WDFY4: variants seen among roughly 807,000 people sequenced by gnomAD.
WDFY4 encodes the protein WD repeat- and FYVE domain-containing protein 4.
Under a neutral mutation model 351.9 loss-of-function variants are expected in WDFY4, and 169 were observed. The observed-to-expected ratio is 0.48, with a 90% CI of 0.42 to 0.55. The LOEUF is 0.55. WDFY4 is among the 20% of genes least tolerant of loss of function. The pLI, the probability that WDFY4 is intolerant of heterozygous loss-of-function variation, is 0.00. For missense variants in WDFY4, 3,803 were observed against 3,935.6 expected (o/e 0.97, Z 0.90); for synonymous variants, 1,622 against 1,574.6 (o/e 1.03, Z -0.71).
intron 53 of WDFY4, among the ~76,000 whole-genome samples, chr10:48,961,298 G>C (rs935807053): frequency 6.6e-6 from 1 of 152,218 alleles, no homozygotes; most frequent in Admixed American, 6.5e-5. Context: ...TCTGATAAAA[G>C]ACAGAGGTAC....
intron 1 of WDFY4, among the ~76,000 whole-genome samples, chr10:48,689,922 C>A (rs746052648): frequency 3.9e-5 from 6 of 152,202 alleles, no homozygotes; most frequent in African/African-American, 7.2e-5. Context: ...ATGTAAGGTT[C>A]TTTGCCCTTG....
At chr10:48,716,864 G>C (rs2063926650) in intron 2 of WDFY4, among the ~76,000 whole-genome samples, 1 of 152,206 alleles carries the variant, frequency 6.6e-6, no homozygotes, top group South Asian at 2.1e-4. Flanking sequence ...TCATTTCTAG[G>C]GAGGGAAATC....
chr10:48,762,678 G>T (rs184180979), intron 13 of WDFY4, among the ~76,000 whole-genome samples: 2 of 152,322 alleles, frequency 1.3e-5, no homozygotes, highest in Admixed American at 1.3e-4. Context: ...CATACCTGGG[G>T]CCTTGGTTGA....
chr10:48,814,162 C>T, intron 31 of WDFY4, 80 bp downstream of exon 31: 8 of 1,430,042 alleles, frequency 5.6e-6, no homozygotes, highest in Non-Finnish European at 6.5e-6. Flanking sequence ...TGACTTTTCT[C>T]TTAGCATCTT....
intron 4 of WDFY4, among the ~76,000 whole-genome samples, chr10:48,721,711 G>A (rs1157806734): frequency 6.6e-6 from 1 of 152,144 alleles, no homozygotes; most frequent in African/African-American, 2.4e-5. Flanking sequence ...TACCTGTGGG[G>A]CAAGGCTGGG....
At chr10:48,828,982 A>G in intron 37 of WDFY4, 86 bp downstream of exon 37, 1 of 734,340 alleles carries the variant, frequency 1.4e-6, no homozygotes, top group African/African-American at 1.8e-5. Context: ...CTAGGGTTGC[A>G]TTCTTCAGTT....
chr10:48,882,170 G>A (rs2070278140), intron 43 of WDFY4, among the ~76,000 whole-genome samples: 1 of 152,146 alleles, frequency 6.6e-6, no homozygotes, highest in Non-Finnish European at 1.5e-5. Flanking sequence ...CCCAGCTTGA[G>A]GGAGGGCATG....
intron 47 of WDFY4, among the ~76,000 whole-genome samples, chr10:48,919,533 T>A (rs1838863156): frequency 1.3e-5 from 2 of 152,208 alleles, no homozygotes; most frequent in Admixed American, 6.5e-5. Context: ...GCAACATAAA[T>A]TTATCTCTCA....
At chr10:48,884,951 C>T (rs965215992) in intron 43 of WDFY4, among the ~76,000 whole-genome samples, 14 of 152,186 alleles carry the variant, frequency 9.2e-5, no homozygotes, top group Admixed American at 4.6e-4. Context: ...GTCTTATTTT[C>T]CTTTGTGCCT....
rs2068580186 is a variant in WDFY4, at chr10:48,840,847, T to C, written c.6663+8138T>C. Reference sequence around the variant, plus strand: ...CTGTTATAGGAGTCTGAAAAATACATGTAAATGAACAAAGCAAACACTGAT... The same window carrying C: ...CTGTTATAGGAGTCTGAAAAATACACGTAAATGAACAAAGCAAACACTGAT... On this transcript the variant is annotated intron_variant, in intron 39 of 61. Transcript: ENST00000325239. Among the ~76,000 whole-genome samples, 4 of 152,228 alleles carry C rather than the reference T, an allele frequency of 2.6e-5. No homozygotes were observed. In the South Asian group the frequency reaches 8.3e-4, roughly 31 times the overall value.
intron 32 of WDFY4, among the ~76,000 whole-genome samples, chr10:48,817,899 G>A (rs1475120753): frequency 6.6e-6 from 1 of 152,254 alleles, no homozygotes; most frequent in Non-Finnish European, 1.5e-5. Context: ...CAAGCCAAGG[G>A]GAGGGCAGAG....
chr10:48,970,943 C>T (rs1189773396), intron 57 of WDFY4, among the ~76,000 whole-genome samples: 5 of 152,206 alleles, frequency 3.3e-5, no homozygotes, highest in Non-Finnish European at 7.3e-5. Flanking sequence ...GTTTGCTTAA[C>T]ATTCCAAATG....
intron 39 of WDFY4, among the ~76,000 whole-genome samples, chr10:48,866,266 C>T (rs957699243): frequency 2.0e-5 from 3 of 151,908 alleles, no homozygotes; most frequent in Non-Finnish European, 4.4e-5. Context: ...TTATAGCCTA[C>T]GTGTTTTGGT....
At chr10:48,838,944 G>C (rs758033279) in intron 39 of WDFY4, among the ~76,000 whole-genome samples, 1 of 152,148 alleles carries the variant, frequency 6.6e-6, no homozygotes, top group Non-Finnish European at 1.5e-5. Context: ...GATGAGAGGA[G>C]GGTCTTGCTG....
chr10:48,693,092 A>G (rs1423944147), intron 1 of WDFY4, among the ~76,000 whole-genome samples: 1 of 152,172 alleles, frequency 6.6e-6, no homozygotes, highest in Non-Finnish European at 1.5e-5. Flanking sequence ...TGATCAGTGG[A>G]TTCAGCTTAA....
chr10:48,956,919 C>T (rs1359445663), intron 51 of WDFY4, among the ~76,000 whole-genome samples: 1 of 152,202 alleles, frequency 6.6e-6, no homozygotes, highest in Non-Finnish European at 1.5e-5. Flanking sequence ...TGCCTTGAAG[C>T]TCTGGAGCAA....
At chr10:48,953,429 A>T (rs1266871707) in intron 51 of WDFY4, among the ~76,000 whole-genome samples, 1 of 152,176 alleles carries the variant, frequency 6.6e-6, no homozygotes, top group East Asian at 1.9e-4. Context: ...AAAGAGATTA[A>T]GAAACTCACT....
chr10:48,944,103 G>A (rs1840924696), intron 49 of WDFY4, among the ~76,000 whole-genome samples: 1 of 152,264 alleles, frequency 6.6e-6, no homozygotes, highest in South Asian at 2.1e-4. Context: ...GCAGTCACAG[G>A]TGAAGTGGGC....
intron 23 of WDFY4, among the ~76,000 whole-genome samples, chr10:48,792,345 A>T (rs1345111791): frequency 2.0e-5 from 3 of 152,028 alleles, no homozygotes; most frequent in Non-Finnish European, 4.4e-5. Flanking sequence ...TTGCTCTCGC[A>T]CCCACACTGG....
Sources: gnomAD v4.1 joint callset for allele counts (sites outside exome capture counted in the v4.1 genomes callset) on GRCh38, gnomAD v4.1.1 for gene constraint, MANE v1.5 for transcripts, NCBI Gene and HGNC (gene_info 2026-07-23, HGNC 2026-07-21) for gene names.